The following PARVB variants were observed in gnomAD, a reference collection of about 807,000 sequenced individuals.
PARVB encodes the protein parvin beta, also known as beta-parvin.
Under a neutral mutation model 47.0 loss-of-function variants are expected in PARVB, and 46 were observed. The observed-to-expected ratio is 0.98, with a 90% CI of 0.77 to 1.25. The LOEUF is 1.25. Ranked by LOEUF, PARVB falls within the 50% of genes most tolerant of loss-of-function variation. The pLI is 0.00. For missense variants in PARVB, 473 were observed against 471.6 expected (o/e 1.00, Z -0.03); for synonymous variants, 196 against 196.3 (o/e 1.00, Z 0.01).
At chr22:44,031,685 G>A (rs2050829447) in intron 1 of PARVB, among the ~76,000 whole-genome samples, 2 of 151,936 alleles carry the variant, frequency 1.3e-5, no homozygotes, top group Non-Finnish European at 1.5e-5. Flanking sequence ...CCTCCCCACC[G>A]CTGTGGAATT....
intron 2 of PARVB, among the ~76,000 whole-genome samples, chr22:44,098,322 C>T (rs1371849296): frequency 6.6e-6 from 1 of 152,178 alleles, no homozygotes; most frequent in Non-Finnish European, 1.5e-5. Context: ...CACAGGCACA[C>T]AAAGTCCTCT....
intron 9 of PARVB, 103 bp downstream of exon 9, chr22:44,148,025 C>G: frequency 1.1e-6 from 1 of 905,280 alleles, no homozygotes; most frequent in Non-Finnish European, 1.8e-6. Flanking sequence ...TTTGGAATCT[C>G]AGAAATGTTT....
chr22:44,095,860 G>A (rs561559606), intron 2 of PARVB, among the ~76,000 whole-genome samples: 15 of 152,304 alleles, frequency 9.8e-5, no homozygotes, highest in Non-Finnish European at 1.8e-4. Flanking sequence ...CAACCGACCC[G>A]AAGCCAGAGC....
In PARVB at chr22:44,119,074, G is replaced by T; in HGVS notation, c.310G>T (p.Glu104Ter). The change falls in exon 4 of 13, where the codon GAG becomes TAG. Residue 104 changes from glutamate to a stop codon, truncating the protein, a stop_gained. Transcript: ENST00000338758. LOFTEE classifies it high-confidence loss of function. ...CTGGATTAATGACGTGCTGGTGGAG[G>T]AGAGGATCATTGTGAAGCAGCTGGA... ...LDWINDVLVE[E>*]RIIVKQLEED... 2 of 1,614,160 alleles carry T rather than the reference G, an allele frequency of 1.2e-6. No homozygotes were observed.
chr22:44,087,654 T>G (rs899753006), intron 1 of PARVB, among the ~76,000 whole-genome samples: 4 of 152,106 alleles, frequency 2.6e-5, no homozygotes, highest in Non-Finnish European at 4.4e-5. Flanking sequence ...AAATCCTTTT[T>G]TGGGAAAGAG....
intron 1 of PARVB, chr22:44,069,277 T>C: frequency 2.1e-6 from 2 of 934,802 alleles, no homozygotes; most frequent in Non-Finnish European, 3.5e-6. Context: ...CCTGGGTGGC[T>C]GCTTGACTTT....
At chr22:44,122,526 GAC>G (rs1569134328) in intron 4 of PARVB, among the ~76,000 whole-genome samples, 3,170 of 81,202 alleles carry the variant, frequency 0.039, 203 homozygotes, top group African/African-American at 0.14. Flanking sequence ...GAGACAGAGA[GAC>G]AGAGAGAGAG....
intron 1 of PARVB, among the ~76,000 whole-genome samples, chr22:44,069,685 C>T (rs536357065): frequency 5.3e-5 from 8 of 152,218 alleles, no homozygotes; most frequent in African/African-American, 1.4e-4. Flanking sequence ...CCCGCCACCG[C>T]GCCTGGCTAA....
intron 2 of PARVB, among the ~76,000 whole-genome samples, chr22:44,009,796 G>A (rs1255172632): frequency 6.7e-6 from 1 of 149,248 alleles, no homozygotes; most frequent in Admixed American, 6.7e-5. Context: ...ATACACATGT[G>A]TGCATATGAA....
intron 1 of PARVB, among the ~76,000 whole-genome samples, chr22:44,034,013 C>G (rs1222251156): frequency 1.3e-5 from 2 of 151,398 alleles, no homozygotes; most frequent in African/African-American, 4.9e-5. Context: ...AGGTCCGGGG[C>G]GGGGCCTCAT....
intron 10 of PARVB, chr22:44,152,740 C>T (rs1195743287): frequency 6.6e-6 from 1 of 152,158 alleles, no homozygotes; most frequent in East Asian, 1.9e-4. Context: ...GCATTAAAGA[C>T]AAAATATGAT....
chr22:44,039,585 T>G (rs552607164), intron 1 of PARVB, among the ~76,000 whole-genome samples: 14 of 151,876 alleles, frequency 9.2e-5, no homozygotes, highest in Admixed American at 3.9e-4. Flanking sequence ...AGAAGACTCT[T>G]GTACAGGAAT....
chr22:44,110,297 C>G (rs748774478), intron 3 of PARVB: 1 of 152,094 alleles, frequency 6.6e-6, no homozygotes, highest in African/African-American at 2.4e-5. Flanking sequence ...AAAATGAGAT[C>G]GCGTGGCCTG....
intron 2 of PARVB, chr22:43,999,677 A>T: frequency 6.2e-7 from 1 of 1,609,842 alleles, no homozygotes; most frequent in Non-Finnish European, 8.5e-7. Context: ...GGAGGAGGTA[A>T]GTTTTGGGGG....
In PARVB at chr22:44,122,538, G is replaced by C. The variant is rs1026438910; in HGVS notation, c.376+3398G>C. Among the ~76,000 whole-genome samples the C allele has an allele frequency of 2.1e-3, 215 of 101,572 alleles. 5 individuals carry two copies. Among genetic ancestry groups the C allele is most frequent in the East Asian group, 0.02 (70 of 3,438 alleles). The allele number at this position is 101,572 out of a possible 152,430, so 66.6% of individuals were successfully genotyped here. On this transcript the variant is annotated intron_variant, in intron 4 of 12. Coordinates refer to ENST00000338758, the MANE Select transcript of PARVB (RefSeq NM_013327.5). The stretch of plus-strand genomic sequence containing the variant: ...AGAGAGACAGAGAGACAGAGAGAGA[G>C]AGAGAGAGAGAGAGACACAGAGACA...
rs1160232346 is a variant in PARVB at position 44,125,299 on chromosome 22, G to C, written c.376+6159G>C. 1.1e-5 allele frequency among the ~76,000 whole-genome samples: 1 copy of C among 89,844 alleles called. No homozygotes were observed. The highest frequency in any genetic ancestry group is 9.9e-5 in the Admixed American group (1 of 10,060). The allele number at this position is 89,844 out of a possible 152,430, so 58.9% of individuals were successfully genotyped here. A position where few individuals can be genotyped will look rare whatever the true frequency, so the allele number is the denominator to read the frequency against. Reference sequence around the variant, plus strand: ...GCTGTAGAGACACAGTGGGAAACAAGAGAGATGAGCCCCGCACCCTGCGCC... The same window carrying C: ...GCTGTAGAGACACAGTGGGAAACAACAGAGATGAGCCCCGCACCCTGCGCC... On this transcript the variant is annotated intron_variant, in intron 4 of 12. Coordinates refer to ENST00000338758, the MANE Select transcript of PARVB (RefSeq NM_013327.5). This position sits in a 1 kb window ranked among gnomAD's most constrained non-coding sequence, Gnocchi z 4.1.
chr22:44,097,293 A>C (rs1010072483), intron 2 of PARVB, among the ~76,000 whole-genome samples: 1 of 152,224 alleles, frequency 6.6e-6, no homozygotes, highest in South Asian at 2.1e-4. Flanking sequence ...AGACCTACCA[A>C]ATGGGAGTAT....
At chr22:44,050,530 G>T (rs1377343346) in intron 1 of PARVB, among the ~76,000 whole-genome samples, 1 of 152,012 alleles carries the variant, frequency 6.6e-6, no homozygotes, top group Non-Finnish European at 1.5e-5. Flanking sequence ...TAGAGATGGG[G>T]TTTCTCCATG....
chr22:44,118,501 T>C lies in PARVB; in HGVS notation c.274-537T>C, dbSNP rs185125778. 2.0e-5 allele frequency among the ~76,000 whole-genome samples: 3 copies of C among 152,306 alleles called. No homozygotes were observed. The East Asian group carries it at 5.8e-4, about 29-fold the overall frequency. On this transcript the variant is annotated intron_variant, in intron 3 of 12. Coordinates refer to ENST00000338758, the MANE Select transcript of PARVB (RefSeq NM_013327.5). ...TCAGTAATGATGCATAACTTCCCTT[T>C]GCTGTCCTGGGTTAGGGTGGGTTGA...
Sources: gnomAD v4.1 joint callset for allele counts (sites outside exome capture counted in the v4.1 genomes callset) on GRCh38, gnomAD v4.1.1 for gene constraint, Gnocchi (gnomAD v3.1) non-coding constraint, MANE v1.5 for transcripts, NCBI Gene and HGNC (gene_info 2026-07-23, HGNC 2026-07-21) for gene names.